The following BMPR1B variants were observed in gnomAD, a reference collection of about 807,000 sequenced individuals.
BMPR1B encodes bone morphogenetic protein receptor type 1B, also known as bone morphogenetic protein receptor type-1B.
A neutral mutation model predicts 59.1 loss-of-function variants in BMPR1B; 12 were observed. That is an observed-to-expected ratio of 0.20 (90% confidence interval 0.13 to 0.33). The LOEUF (loss-of-function observed/expected upper bound fraction) is 0.33, where lower values mean the gene tolerates loss of function less well. BMPR1B is among the 10% of genes least tolerant of loss of function. BMPR1B has a pLI of 1.00. For synonymous variants in BMPR1B, 237 were observed against 207.3 expected (o/e 1.14, Z -1.23); for missense variants, 550 against 610.9 (o/e 0.90, Z 1.05).
At chr4:95,070,447 G>C (rs1372601976) in intron 3 of BMPR1B, among the ~76,000 whole-genome samples, 1 of 152,158 alleles carries the variant, frequency 6.6e-6, no homozygotes, top group African/African-American at 2.4e-5. Flanking sequence ...TGAAGAAAGA[G>C]CAGATTTTGG....
chr4:95,009,015 A>C (rs1262993790), intron 3 of BMPR1B, among the ~76,000 whole-genome samples: 1 of 152,180 alleles, frequency 6.6e-6, no homozygotes, highest in East Asian at 1.9e-4. Flanking sequence ...TGATCACTCC[A>C]CTGCACTGTA....
At chr4:94,887,471 C>T (rs563783650) in intron 2 of BMPR1B, among the ~76,000 whole-genome samples, 5 of 127,534 alleles carry the variant, frequency 3.9e-5, no homozygotes, top group African/African-American at 1.5e-4. Flanking sequence ...TTTAAATATA[C>T]TCAAACATTT....
chr4:94,835,233 GT>G (rs1724759532), intron 1 of BMPR1B, among the ~76,000 whole-genome samples: 1 of 152,172 alleles, frequency 6.6e-6, no homozygotes, highest in Middle Eastern at 3.4e-3. Flanking sequence ...CAAAGGTGGG[GT>G]TAAGTAGCCC....
chr4:95,154,368 A>G (rs1735262299), intron 12 of BMPR1B, among the ~76,000 whole-genome samples, 180 bp from the exon 13 acceptor site: 1 of 152,242 alleles, frequency 6.6e-6, no homozygotes, highest in African/African-American at 2.4e-5. Flanking sequence ...AGACATGAAC[A>G]TCTGTTTTAG....
intron 4 of BMPR1B, among the ~76,000 whole-genome samples, chr4:95,109,024 A>C (rs992706554): frequency 6.6e-6 from 1 of 152,050 alleles, no homozygotes; most frequent in Non-Finnish European, 1.5e-5. Flanking sequence ...TTTTCTCTAT[A>C]TAATCAGATC....
At position 95,012,438 on chromosome 4, in the gene BMPR1B, C is replaced by G. The variant is rs544908492; in HGVS notation, c.-18+16304C>G. Among the ~76,000 whole-genome samples the G allele has an allele frequency of 5.9e-5, 9 of 152,204 alleles. No homozygotes were observed. In the South Asian group the frequency reaches 1.5e-3, roughly 25 times the overall value. Reference sequence around the variant, plus strand: ...TAGTCAGAACCAGAAAGTGAGGCAGCATACAGTTTGTGAATTATTATTTCA... The same window carrying G: ...TAGTCAGAACCAGAAAGTGAGGCAGGATACAGTTTGTGAATTATTATTTCA... On this transcript the variant is annotated intron_variant, in intron 3 of 12. Transcript: ENST00000515059.
At chr4:95,090,263 T>G (rs988600224) in intron 3 of BMPR1B, among the ~76,000 whole-genome samples, 1 of 151,884 alleles carries the variant, frequency 6.6e-6, no homozygotes, top group Non-Finnish European at 1.5e-5. Flanking sequence ...TTTAACATGT[T>G]CTTTAATATA....
At chr4:94,989,509 A>G (rs1279020336) in intron 2 of BMPR1B, among the ~76,000 whole-genome samples, 2 of 152,198 alleles carry the variant, frequency 1.3e-5, no homozygotes, top group Non-Finnish European at 2.9e-5. Flanking sequence ...TCAGTTACCT[A>G]ACATTGATCT....
At chr4:94,846,990 A>C (rs1349795488) in intron 1 of BMPR1B, among the ~76,000 whole-genome samples, 3 of 152,198 alleles carry the variant, frequency 2.0e-5, no homozygotes, top group Non-Finnish European at 4.4e-5. Flanking sequence ...CTGTAAAAGA[A>C]AGTCAACAAA....
intron 2 of BMPR1B, among the ~76,000 whole-genome samples, chr4:94,896,442 A>G (rs1376092778): frequency 3.3e-5 from 5 of 151,990 alleles, no homozygotes; most frequent in Non-Finnish European, 7.4e-5. Context: ...GAAAGTTGAA[A>G]ATTAGCTTGA....
In BMPR1B at chr4:95,061,160, AACACACACACACACACACACACAC is replaced by A. The variant is rs58119571; in HGVS notation, c.-17-43221_-17-43198del. Among the ~76,000 whole-genome samples the A allele has an allele frequency of 4.1e-4, 58 of 142,572 alleles. 1 individual carries two copies. Among genetic ancestry groups the A allele is most frequent in the South Asian group, 9.2e-4 (4 of 4,342 alleles). The allele number at this position is 142,572 out of a possible 152,430, so 93.5% of individuals were successfully genotyped here. A position where few individuals can be genotyped will look rare whatever the true frequency, so the allele number is the denominator to read the frequency against. ...GGAATTTTTGACTTGATTTAGAATA[AACACACACACACACACACACACAC>A]ACACACACACACACACACACACACA... On this transcript the variant is annotated intron_variant, in intron 3 of 12. Transcript: ENST00000515059.
In BMPR1B at chr4:94,836,801, C is replaced by G. The variant is rs541013300; in HGVS notation, c.-182-39030C>G. ...GTCAATTTTGTCTTCTGTTGCCATTCCTTTTGGTGTTTTAGACATGAAGTC... is the reference window on the plus strand; with the variant it reads ...GTCAATTTTGTCTTCTGTTGCCATTGCTTTTGGTGTTTTAGACATGAAGTC... On this transcript the variant is annotated intron_variant, in intron 1 of 12. Coordinates refer to ENST00000515059, the MANE Select transcript of BMPR1B (RefSeq NM_001203.3). 4.8e-3 allele frequency among the ~76,000 whole-genome samples: 707 copies of G among 148,614 alleles called. 30 individuals carry two copies. The South Asian group carries it at 0.056, about 12-fold the overall frequency.
chr4:95,043,240 AGT>A, intron 3 of BMPR1B, among the ~76,000 whole-genome samples: 1 of 148,192 alleles, frequency 6.7e-6, no homozygotes, highest in East Asian at 2.0e-4. Flanking sequence ...TCTATCACCT[AGT>A]TCCCTGTTAC....
intron 3 of BMPR1B, among the ~76,000 whole-genome samples, chr4:95,019,741 G>T (rs1031027348): frequency 2.0e-5 from 3 of 152,124 alleles, no homozygotes; most frequent in Admixed American, 1.3e-4. Context: ...AAACAAACAG[G>T]AGCTATGATA....
intron 2 of BMPR1B, among the ~76,000 whole-genome samples, chr4:94,974,361 A>G (rs1195897263): frequency 7.7e-6 from 1 of 129,914 alleles, no homozygotes; most frequent in Non-Finnish European, 1.6e-5. Flanking sequence ...GTCATTTCAA[A>G]TATCATTTTT....
intron 3 of BMPR1B, among the ~76,000 whole-genome samples, chr4:95,051,462 C>G (rs1392475949): frequency 1.3e-5 from 2 of 152,072 alleles, no homozygotes; most frequent in Admixed American, 6.6e-5. Flanking sequence ...AGAAAACAAT[C>G]CGGCTCAGGG....
intron 2 of BMPR1B, among the ~76,000 whole-genome samples, chr4:94,987,767 C>G (rs201749119): frequency 6.7e-6 from 1 of 150,132 alleles, no homozygotes; most frequent in Non-Finnish European, 1.5e-5. Flanking sequence ...TTTTTTTTTT[C>G]TAGACATAAC....
chr4:94,915,514 G>A (rs1728448500), intron 2 of BMPR1B, among the ~76,000 whole-genome samples: 1 of 152,108 alleles, frequency 6.6e-6, no homozygotes, highest in Non-Finnish European at 1.5e-5. Context: ...TTTAAACATA[G>A]TTTGAACAAA....
chr4:94,786,218 G>A (rs897590779), intron 1 of BMPR1B, among the ~76,000 whole-genome samples: 1 of 152,192 alleles, frequency 6.6e-6, no homozygotes, highest in African/African-American at 2.4e-5. Flanking sequence ...TATCATGCGG[G>A]TACTTACCCC....
Sources: gnomAD v4.1 joint callset for allele counts (sites outside exome capture counted in the v4.1 genomes callset) on GRCh38, gnomAD v4.1.1 for gene constraint, MANE v1.5 for transcripts, NCBI Gene and HGNC (gene_info 2026-07-23, HGNC 2026-07-21) for gene names.